The following INPP4B variants were observed in gnomAD, a reference collection of about 807,000 sequenced individuals.
The protein encoded by INPP4B is inositol polyphosphate-4-phosphatase type II B.
In INPP4B, 55 loss-of-function variants were observed where a neutral mutation model predicts 122.5. The observed-to-expected ratio is 0.45, with a 90% CI of 0.36 to 0.56. The LOEUF (loss-of-function observed/expected upper bound fraction) is 0.56. Among genes scored for constraint, INPP4B ranks in the 20% least tolerant of loss-of-function variants. The pLI, the probability that INPP4B is intolerant of heterozygous loss-of-function variation, is 0.00. For missense variants in INPP4B, 1,000 were observed against 1,097.7 expected (o/e 0.91, Z 1.26); for synonymous variants, 403 against 388.7 (o/e 1.04, Z -0.43).
Position 142,375,787 on chromosome 4 carries a change from G to C in INPP4B, c.372+27151C>G, listed in dbSNP as rs764013868. On this transcript the variant is annotated intron_variant, in intron 7 of 25. Coordinates refer to ENST00000262992, the MANE Select transcript of INPP4B (RefSeq NM_001101669.3). ...TGTGAACTAAAGGTCAAGATGATTA[G>C]CATGGTAAAGTGGAAAGAGAAAAAT... 5.4e-4 allele frequency among the ~76,000 whole-genome samples: 82 copies of C among 151,958 alleles called. 1 individual carries two copies. Among genetic ancestry groups the C allele is most frequent in the Non-Finnish European group, 7.2e-4 (49 of 67,914 alleles).
rs1229758893 is a variant in INPP4B at position 142,720,787 on chromosome 4, C to A, written c.-191+5052G>T. On this transcript the variant is annotated intron_variant, in intron 2 of 25. Transcript: ENST00000262992. ...TCTCTCTCTCTCTCTCTCTCTCTCT[C>A]TCTCTCTCTCTCTCTCTCTCTCTAT... Among the ~76,000 whole-genome samples, 29 of 19,524 alleles carry A rather than the reference C, an allele frequency of 1.5e-3. 5 individuals carry two copies. The highest frequency in any genetic ancestry group is 4.2e-3 in the African/African-American group (24 of 5,670). 12.8% of individuals were successfully genotyped at this position (19,524 alleles called of 152,430 possible). A position where few individuals can be genotyped will look rare whatever the true frequency, so the allele number is the denominator to read the frequency against.
In INPP4B at chr4:142,265,308, C is replaced by T. The variant is rs138379542; in HGVS notation, c.616-4744G>A. On this transcript the variant is annotated intron_variant, in intron 10 of 25. Transcript: ENST00000262992. ...ATGACTATGGTGCTAATAGAAGTTT[C>T]ATTCCTTTGTCCCTAGCTCATGCAA... Among the ~76,000 whole-genome samples the T allele has an allele frequency of 8.2e-3, 1,254 of 152,328 alleles. 7 individuals are homozygous for T. The highest frequency in any genetic ancestry group is 0.014 in the Admixed American group (207 of 15,296).
In INPP4B at chr4:142,039,627, A is replaced by G. The variant is rs143529128; in HGVS notation, c.2643-10713T>C. On this transcript the variant is annotated intron_variant, in intron 25 of 25. Transcript: ENST00000262992. ...AAAAAAGGAAAAATGAAAGAGAGAC[A>G]TAATGAGTTGAGAGTATAATTGCTT... 4.6e-4 allele frequency among the ~76,000 whole-genome samples: 70 copies of G among 152,108 alleles called. No homozygotes were observed. The East Asian group carries it at 8.1e-3, about 18-fold the overall frequency.
At chr4:142,654,815 TA>T (rs1409522193) in intron 2 of INPP4B, 9 of 152,300 alleles carry the variant, frequency 5.9e-5, no homozygotes, top group African/African-American at 2.2e-4. Flanking sequence ...AGGAGGTGGT[TA>T]AAATAGTAAA....
chr4:142,253,266 T>G (rs1733429210), intron 11 of INPP4B, among the ~76,000 whole-genome samples: 1 of 152,206 alleles, frequency 6.6e-6, no homozygotes, highest in Non-Finnish European at 1.5e-5. Flanking sequence ...TACCACATAC[T>G]ACCGTAGACT....
At chr4:142,358,992 T>C (rs1474795252) in intron 7 of INPP4B, among the ~76,000 whole-genome samples, 1 of 152,006 alleles carries the variant, frequency 6.6e-6, no homozygotes, top group East Asian at 1.9e-4. Flanking sequence ...AGAGGGCTAT[T>C]CTGACCTAGG....
At chr4:142,405,744 T>C (rs777229800) in intron 5 of INPP4B, among the ~76,000 whole-genome samples, 20 of 152,240 alleles carry the variant, frequency 1.3e-4, no homozygotes, top group Admixed American at 3.3e-4. Flanking sequence ...TTAGATCAAG[T>C]GTTTGAATTC....
At chr4:142,302,126 G>A (rs1761692706) in intron 9 of INPP4B, among the ~76,000 whole-genome samples, 1 of 152,052 alleles carries the variant, frequency 6.6e-6, no homozygotes, top group African/African-American at 2.4e-5. Context: ...AGGGTTCTGG[G>A]ATAAGAACAC....
intron 7 of INPP4B, among the ~76,000 whole-genome samples, chr4:142,349,698 T>C (rs1489430760): frequency 6.6e-6 from 1 of 152,032 alleles, no homozygotes; most frequent in Non-Finnish European, 1.5e-5. Flanking sequence ...AAAGGAAGAA[T>C]GTTAATCACT....
intron 2 of INPP4B, among the ~76,000 whole-genome samples, chr4:142,662,038 C>A (rs1364355785): frequency 6.6e-6 from 1 of 152,060 alleles, no homozygotes; most frequent in Non-Finnish European, 1.5e-5. Context: ...TGGAGACCAT[C>A]CTTGCTAACA....
intron 2 of INPP4B, among the ~76,000 whole-genome samples, chr4:142,683,625 G>T (rs1758943331): frequency 6.6e-6 from 1 of 151,002 alleles, no homozygotes. Flanking sequence ...TTTCTTAATA[G>T]GTTTCATGGG....
intron 2 of INPP4B, among the ~76,000 whole-genome samples, chr4:142,539,953 T>C (rs1828742283): frequency 1.3e-5 from 2 of 152,076 alleles, no homozygotes; most frequent in South Asian, 4.1e-4. Context: ...ATGTTCATGC[T>C]AGTTACTGGA....
intron 10 of INPP4B, among the ~76,000 whole-genome samples, chr4:142,264,860 A>G (rs765786919): frequency 6.6e-6 from 1 of 152,244 alleles, no homozygotes; most frequent in Non-Finnish European, 1.5e-5. Flanking sequence ...AAAAGAGGTC[A>G]TAAAGATGGG....
At chr4:142,767,274 G>T (rs545906444) in intron 1 of INPP4B, among the ~76,000 whole-genome samples, 1 of 152,170 alleles carries the variant, frequency 6.6e-6, no homozygotes, top group East Asian at 1.9e-4. Context: ...TTGAAAGAGG[G>T]TGAAAATCTA....
At chr4:142,638,840 C>T (rs1057358938) in intron 2 of INPP4B, among the ~76,000 whole-genome samples, 1 of 152,150 alleles carries the variant, frequency 6.6e-6, no homozygotes, top group African/African-American at 2.4e-5. Flanking sequence ...GCCACCATGC[C>T]CGGCCTAGTT....
intron 2 of INPP4B, among the ~76,000 whole-genome samples, chr4:142,702,799 A>T (rs1761985568): frequency 6.6e-6 from 1 of 151,798 alleles, no homozygotes. Context: ...ACATTTTTAA[A>T]TAAAGATTGA....
At chr4:142,493,882 T>C (rs1024638799) in intron 2 of INPP4B, among the ~76,000 whole-genome samples, 1 of 152,086 alleles carries the variant, frequency 6.6e-6, no homozygotes, top group African/African-American at 2.4e-5. Context: ...ATGATATGGT[T>C]TGGCTGTGTT....
Position 142,709,347 on chromosome 4 carries a change from C to T in INPP4B, c.-191+16492G>A, listed in dbSNP as rs533837630. 2.6e-5 allele frequency among the ~76,000 whole-genome samples: 4 copies of T among 152,118 alleles called. No homozygotes were observed. The South Asian group carries it at 8.3e-4, about 32-fold the overall frequency. On this transcript the variant is annotated intron_variant, in intron 2 of 25. Coordinates refer to ENST00000262992, the MANE Select transcript of INPP4B (RefSeq NM_001101669.3). ...GGGGACTGTTAAGAAGGGATGGTTG[C>T]ATTTTGAAATGTAAGAAGGACATGA...
intron 2 of INPP4B, among the ~76,000 whole-genome samples, chr4:142,571,710 A>G (rs1732865139): frequency 6.6e-6 from 1 of 152,174 alleles, no homozygotes; most frequent in Admixed American, 6.6e-5. Context: ...CAATTATAGA[A>G]TTAAATAAAA....
Sources: gnomAD v4.1 joint callset for allele counts (sites outside exome capture counted in the v4.1 genomes callset) on GRCh38, gnomAD v4.1.1 for gene constraint, MANE v1.5 for transcripts, NCBI Gene and HGNC (gene_info 2026-07-23, HGNC 2026-07-21) for gene names.